CCDC171: variants seen among roughly 807,000 people sequenced by gnomAD.
CCDC171 encodes the protein coiled-coil domain-containing protein 171.
In CCDC171, 177 loss-of-function variants were observed where a neutral mutation model predicts 168.2. The ratio of observed to expected loss-of-function variants is 1.05; its 90% CI spans 0.93 to 1.19. CCDC171 has a LOEUF of 1.19. Ranked by LOEUF, CCDC171 falls within the 50% of genes most tolerant of loss-of-function variation. The pLI is 0.00. For synonymous variants in CCDC171, 687 were observed against 540.8 expected, an observed-to-expected ratio of 1.27 and a Z score of -3.75; for missense variants, 1,991 against 1,539.0, an observed-to-expected ratio of 1.29 and a Z score of -4.91.
intron 24 of CCDC171, among the ~76,000 whole-genome samples, chr9:15,894,060 A>G (rs1437381229): frequency 6.6e-6 from 1 of 152,212 alleles, no homozygotes; most frequent in Non-Finnish European, 1.5e-5. Context: ...GATAAAGAAA[A>G]TGTGGTACAT....
At chr9:15,568,925 C>G (rs1416448925) in intron 2 of CCDC171, among the ~76,000 whole-genome samples, 2 of 152,094 alleles carry the variant, frequency 1.3e-5, no homozygotes, top group Non-Finnish European at 2.9e-5. Context: ...TCAATTTTTG[C>G]TTTTGTTGTG....
chr9:15,596,540 T>G lies in CCDC171; in HGVS notation c.675+2368T>G, dbSNP rs539774349. Among the ~76,000 whole-genome samples, 28 of 152,266 alleles carry G rather than the reference T, an allele frequency of 1.8e-4. 1 individual carries two copies. The South Asian group carries it at 2.9e-3, about 16-fold the overall frequency. On this transcript the variant is annotated intron_variant, in intron 6 of 25. Coordinates refer to ENST00000380701, the MANE Select transcript of CCDC171 (RefSeq NM_173550.4). ...GGTACCAGTACCATGCTGTTTTGGT[T>G]ACTGTAGCCTTGTAGTATAGTTTGA... is the stretch of plus-strand genomic sequence containing the variant.
At chr9:16,009,406 T>C (rs1361081436) in intron 3 of CCDC171, among the ~76,000 whole-genome samples, 1 of 152,214 alleles carries the variant, frequency 6.6e-6, no homozygotes, top group Non-Finnish European at 1.5e-5. Flanking sequence ...TGTTTTTCCT[T>C]AGCTCATTGT....
intron 3 of CCDC171, among the ~76,000 whole-genome samples, chr9:16,000,636 C>T (rs1832511977): frequency 6.6e-6 from 1 of 152,038 alleles, no homozygotes; most frequent in African/African-American, 2.4e-5. Context: ...TCTTGCCAGA[C>T]AGGTATGTCT....
intron 7 of CCDC171, among the ~76,000 whole-genome samples, chr9:15,647,657 T>G (rs537178118): frequency 1.6e-4 from 25 of 152,164 alleles, no homozygotes; most frequent in Admixed American, 6.5e-5. Flanking sequence ...AAGAAATGCA[T>G]AAATTCCTGG....
At chr9:16,047,589 G>A (rs1414983130) in intron 1 of CCDC171, among the ~76,000 whole-genome samples, 1 of 152,142 alleles carries the variant, frequency 6.6e-6, no homozygotes, top group Admixed American at 6.6e-5. Context: ...CTATTTGAAG[G>A]TTTTTAAAAT....
intron 1 of CCDC171, among the ~76,000 whole-genome samples, chr9:16,060,238 A>G (rs1391264476): frequency 6.6e-6 from 1 of 152,174 alleles, no homozygotes; most frequent in African/African-American, 2.4e-5. Flanking sequence ...GATTTGGGGA[A>G]AGGGATAGGG....
At chr9:15,984,583 G>A (rs1352054109) in intron 3 of CCDC171, among the ~76,000 whole-genome samples, 1 of 152,066 alleles carries the variant, frequency 6.6e-6, no homozygotes, top group Non-Finnish European at 1.5e-5. Flanking sequence ...TGTGTGATAT[G>A]CGTCATGGGG....
rs758842746 is a variant in CCDC171, at chr9:15,591,347, A to G, written c.353-19A>G. The G allele has an allele frequency of 5.3e-5, 79 of 1,484,644 alleles. No individual in the cohort carries two copies. The highest frequency in any genetic ancestry group is 1.6e-4 in the East Asian group (7 of 43,048). The allele number at this position is 1,484,644 out of a possible 1,614,324, so 92.0% of individuals were successfully genotyped here. A position where few individuals can be genotyped will look rare whatever the true frequency, so the allele number is the denominator to read the frequency against. ...TTAATTCATGGTTGTAAATGTACCT[A>G]TTATTCTATTCTTAATAGCACAGAA... On this transcript the variant is annotated intron_variant, in intron 4 of 25. Coordinates refer to ENST00000380701, the MANE Select transcript of CCDC171 (RefSeq NM_173550.4).
At chr9:16,015,023 A>T (rs1427993826) in intron 3 of CCDC171, among the ~76,000 whole-genome samples, 1 of 152,118 alleles carries the variant, frequency 6.6e-6, no homozygotes, top group African/African-American at 2.4e-5. Context: ...TACATTAAAA[A>T]TCTGTTGGTG....
At chr9:15,979,588 C>T (rs923451261) in intron 3 of CCDC171, among the ~76,000 whole-genome samples, 1 of 152,060 alleles carries the variant, frequency 6.6e-6, no homozygotes, top group Non-Finnish European at 1.5e-5. Context: ...TGATGTCTTA[C>T]ATTGATTGAT....
intron 21 of CCDC171, among the ~76,000 whole-genome samples, chr9:15,836,422 G>A (rs1348414764): frequency 6.6e-6 from 1 of 152,148 alleles, no homozygotes; most frequent in Non-Finnish European, 1.5e-5. Flanking sequence ...CTGGAGTGCA[G>A]TGGCGCCATC....
intron 21 of CCDC171, among the ~76,000 whole-genome samples, chr9:15,804,529 C>G (rs956946621): frequency 2.0e-5 from 3 of 151,118 alleles, no homozygotes; most frequent in Admixed American, 6.6e-5. Flanking sequence ...TGTGATGAAT[C>G]AGATTTATTG....
chr9:15,661,902 A>C (rs943806996), intron 8 of CCDC171, among the ~76,000 whole-genome samples: 31 of 152,254 alleles, frequency 2.0e-4, no homozygotes, highest in African/African-American at 6.0e-4. Context: ...ATAACAAAGA[A>C]AAATAGAGTT....
chr9:15,914,866 A>G (rs903695305), intron 24 of CCDC171, among the ~76,000 whole-genome samples: 1 of 152,122 alleles, frequency 6.6e-6, no homozygotes, highest in African/African-American at 2.4e-5. Flanking sequence ...CCCTCACGTC[A>G]GGGTCCCTCA....
At chr9:15,631,980 C>A (rs1353690207) in intron 7 of CCDC171, among the ~76,000 whole-genome samples, 1 of 152,134 alleles carries the variant, frequency 6.6e-6, no homozygotes, top group Non-Finnish European at 1.5e-5. Flanking sequence ...ACCCTTCATG[C>A]TAAAAACTCT....
intron 16 of CCDC171, among the ~76,000 whole-genome samples, chr9:15,742,492 T>C (rs920064560): frequency 2.6e-5 from 4 of 152,248 alleles, no homozygotes; most frequent in Non-Finnish European, 4.4e-5. Flanking sequence ...TGTCAAGTTT[T>C]ATTTTTCCTT....
At chr9:15,915,767 C>T (rs1411548335) in intron 24 of CCDC171, among the ~76,000 whole-genome samples, 1 of 152,082 alleles carries the variant, frequency 6.6e-6, no homozygotes, top group Non-Finnish European at 1.5e-5. Context: ...AGGCCCTTTA[C>T]TATGTTGAGG....
At chr9:15,929,850 C>G (rs889347612) in intron 25 of CCDC171, among the ~76,000 whole-genome samples, 3 of 151,696 alleles carry the variant, frequency 2.0e-5, no homozygotes, top group Non-Finnish European at 4.4e-5. Context: ...TGTTTTTTCT[C>G]TACAGTTTCC....
Sources: gnomAD v4.1 joint callset for allele counts (sites outside exome capture counted in the v4.1 genomes callset) on GRCh38, gnomAD v4.1.1 for gene constraint, MANE v1.5 for transcripts, NCBI Gene and HGNC (gene_info 2026-07-23, HGNC 2026-07-21) for gene names.